Variants in SOX5 observed in about 807,000 individuals in gnomAD.
The protein encoded by SOX5 is transcription factor SOX-5.
In SOX5, 9 loss-of-function variants were observed where a neutral mutation model predicts 92.0. The ratio of observed to expected loss-of-function variants is 0.10; its 90% CI spans 0.06 to 0.17. The LOEUF (loss-of-function observed/expected upper bound fraction) is 0.17, where lower values mean the gene tolerates loss of function less well. SOX5 is among the 10% of genes least tolerant of loss of function. SOX5 has a pLI of 1.00. For missense variants in SOX5, 642 were observed against 944.5 expected, an observed-to-expected ratio of 0.68 and a Z score of 4.20; for synonymous variants, 344 against 336.3, an observed-to-expected ratio of 1.02 and a Z score of -0.25.
intron 3 of SOX5, among the ~76,000 whole-genome samples, chr12:23,777,383 C>T (rs1034932269): frequency 3.3e-5 from 5 of 152,104 alleles, no homozygotes; most frequent in African/African-American, 9.7e-5. Flanking sequence ...TTAAGACAGA[C>T]AGTAATCAGA....
intron 3 of SOX5, among the ~76,000 whole-genome samples, chr12:23,825,061 C>T (rs150293539): frequency 5.3e-4 from 80 of 152,220 alleles, no homozygotes; most frequent in African/African-American, 1.9e-3. Flanking sequence ...CTGGACCACT[C>T]GGCTCCCTAG....
At chr12:24,493,107 C>A (rs1369626027) in intron 1 of SOX5, among the ~76,000 whole-genome samples, 1 of 151,992 alleles carries the variant, frequency 6.6e-6, no homozygotes, top group Non-Finnish European at 1.5e-5. Flanking sequence ...TTTAATCAGA[C>A]TTTGTGAGGC....
intron 6 of SOX5, among the ~76,000 whole-genome samples, chr12:23,674,069 T>C (rs546664430): frequency 1.3e-5 from 2 of 152,266 alleles, no homozygotes; most frequent in East Asian, 3.9e-4. Flanking sequence ...GGCTGTCACA[T>C]ACACTAGTTT....
At chr12:23,931,029 A>G (rs759562936) in intron 1 of SOX5, among the ~76,000 whole-genome samples, 1 of 151,770 alleles carries the variant, frequency 6.6e-6, no homozygotes, top group Non-Finnish European at 1.5e-5. Context: ...TAAGCTTCAT[A>G]GGGACAAAAG....
chr12:24,108,533 ATAAG>A (rs1946950771), intron 4 of SOX5, among the ~76,000 whole-genome samples: 1 of 152,150 alleles, frequency 6.6e-6, no homozygotes, highest in African/African-American at 2.4e-5. Context: ...TATTTGTTCT[ATAAG>A]TATCTTTATA....
intron 9 of SOX5, among the ~76,000 whole-genome samples, chr12:23,578,299 T>C (rs1949555335): frequency 6.7e-6 from 1 of 149,684 alleles, no homozygotes; most frequent in Non-Finnish European, 1.5e-5. Flanking sequence ...TCTCAACATG[T>C]GGCTCACAGA....
chr12:24,053,612 G>C (rs1487653683), intron 4 of SOX5, among the ~76,000 whole-genome samples: 3 of 152,140 alleles, frequency 2.0e-5, no homozygotes, highest in Non-Finnish European at 4.4e-5. Context: ...CATGAAAAGA[G>C]TAAGTGAATT....
chr12:24,277,523 T>TTTAAATATATAAATATATATGTAA (rs1944622065), intron 2 of SOX5, among the ~76,000 whole-genome samples: 1 of 56,424 alleles, frequency 1.8e-5, no homozygotes. Context: ...TATATATTTA[T>TTTAAATATATAAATATATATGTAA]ATGTATATAA....
rs768157437 is a variant in SOX5 at position 24,355,282 on chromosome 12, C to CTTTTT, written c.-174+13276_-174+13280dup. 2.0e-3 allele frequency among the ~76,000 whole-genome samples: 146 copies of CTTTTT among 71,922 alleles called. 15 individuals carry two copies. The highest frequency in any genetic ancestry group is 4.0e-3 in the African/African-American group (55 of 13,608). 47.2% of individuals were successfully genotyped at this position (71,922 alleles called of 152,430 possible). The stretch of plus-strand genomic sequence containing the variant: ...TTAGCAGGTGTGGTGAGGGGTGCAT[C>CTTTTT]TTTTTTTTTTTTTTTTTTTTTTTTT... On this transcript the variant is annotated intron_variant, in intron 2 of 4. Coordinates refer to the SOX5 transcript ENST00000446891.
At chr12:23,562,404 A>G (rs1174352843) in intron 11 of SOX5, among the ~76,000 whole-genome samples, 1 of 152,244 alleles carries the variant, frequency 6.6e-6, no homozygotes, top group South Asian at 2.1e-4. Context: ...CAAATTAGCA[A>G]TCTGCTCATT....
At chr12:24,382,230 A>C (rs1957897345) in intron 1 of SOX5, among the ~76,000 whole-genome samples, 2 of 152,318 alleles carry the variant, frequency 1.3e-5, no homozygotes, top group South Asian at 2.1e-4. Flanking sequence ...CCTCCGTAAG[A>C]AGCTGCCATT....
At chr12:23,648,643 G>A (rs1382520105) in intron 7 of SOX5, among the ~76,000 whole-genome samples, 9 of 152,148 alleles carry the variant, frequency 5.9e-5, no homozygotes, top group Non-Finnish European at 1.3e-4. Context: ...GCTGCAAAGA[G>A]TGGTATCAGA....
intron 7 of SOX5, among the ~76,000 whole-genome samples, chr12:23,659,262 A>G (rs969673795): frequency 1.3e-5 from 2 of 152,226 alleles, no homozygotes; most frequent in African/African-American, 2.4e-5. Flanking sequence ...ACAGGAACAC[A>G]TCAGCAAATA....
chr12:24,357,589 T>G (rs11047390), intron 2 of SOX5, among the ~76,000 whole-genome samples: 4,238 of 152,166 alleles, frequency 0.028, 182 homozygotes, highest in African/African-American at 0.091. Context: ...ACACCTGTAA[T>G]CCTAGCACTT....
At chr12:23,914,280 C>A (rs2138539911) in intron 1 of SOX5, among the ~76,000 whole-genome samples, 1 of 151,984 alleles carries the variant, frequency 6.6e-6, no homozygotes, top group East Asian at 1.9e-4. Flanking sequence ...AATACATTTC[C>A]ACTGTTATAA....
intron 2 of SOX5, among the ~76,000 whole-genome samples, chr12:24,326,690 C>A (rs79426532): frequency 6.6e-6 from 1 of 151,870 alleles, no homozygotes; most frequent in Admixed American, 6.6e-5. Context: ...CAGGTGGCAT[C>A]CTAAATTTCA....
At chr12:24,243,149 C>T (rs1463482734) in intron 3 of SOX5, among the ~76,000 whole-genome samples, 1 of 151,998 alleles carries the variant, frequency 6.6e-6, no homozygotes, top group Non-Finnish European at 1.5e-5. Flanking sequence ...AAGAAGGTAA[C>T]AAGAATTTAA....
At chr12:24,163,278 C>T (rs1952982102) in intron 4 of SOX5, among the ~76,000 whole-genome samples, 1 of 152,114 alleles carries the variant, frequency 6.6e-6, no homozygotes, top group South Asian at 2.1e-4. Context: ...AAACTAGTCA[C>T]ACAGCATTAT....
intron 3 of SOX5, among the ~76,000 whole-genome samples, chr12:23,771,429 C>A (rs543124143): frequency 6.6e-6 from 1 of 152,140 alleles, no homozygotes; most frequent in Non-Finnish European, 1.5e-5. Context: ...AGGCCCCGGC[C>A]GAGTACAGTC....
Sources: gnomAD v4.1 joint callset for allele counts (sites outside exome capture counted in the v4.1 genomes callset) on GRCh38, gnomAD v4.1.1 for gene constraint, MANE v1.5 for transcripts, NCBI Gene and HGNC (gene_info 2026-07-23, HGNC 2026-07-21) for gene names.